DYNC2H1: variants seen among roughly 807,000 people sequenced by gnomAD.
DYNC2H1 encodes dynein cytoplasmic 2 heavy chain 1, also known as cytoplasmic dynein 2 heavy chain 1.
A neutral mutation model predicts 570.0 loss-of-function variants in DYNC2H1; 410 were observed. The observed-to-expected ratio is 0.72, with a 90% CI of 0.66 to 0.78. The LOEUF (loss-of-function observed/expected upper bound fraction) is 0.78. Ranked by LOEUF, DYNC2H1 falls within the 30% of genes least tolerant of loss-of-function variation. The pLI is 0.00. For missense variants in DYNC2H1, 4,865 were observed against 5,046.4 expected (o/e 0.96, Z 1.09); for synonymous variants, 1,688 against 1,677.6 (o/e 1.01, Z -0.15).
chr11:103,130,714 T>G (rs550637241), intron 13 of DYNC2H1, among the ~76,000 whole-genome samples: 42 of 152,314 alleles, frequency 2.8e-4, no homozygotes, highest in African/African-American at 9.9e-4. Context: ...CCCTCTAAAG[T>G]ATAGATCATT....
At chr11:103,196,502 T>C (rs1241063915) in intron 47 of DYNC2H1, among the ~76,000 whole-genome samples, 1 of 152,132 alleles carries the variant, frequency 6.6e-6, no homozygotes. Flanking sequence ...CAATTGGAAG[T>C]ACAGGACTAG....
chr11:103,200,981 C>T (rs983648428), intron 50 of DYNC2H1, among the ~76,000 whole-genome samples: 1 of 152,016 alleles, frequency 6.6e-6, no homozygotes, highest in African/African-American at 2.4e-5. Flanking sequence ...CATGCGCCAC[C>T]ATGCCTGGCT....
chr11:103,455,139 C>A, intron 85 of DYNC2H1, 47 bp from the exon 86 acceptor site: 1 of 1,417,082 alleles, frequency 7.1e-7, no homozygotes, highest in Non-Finnish European at 9.9e-7. Context: ...CTTTAATTGA[C>A]TTATAAGTGT....
At chr11:103,220,560 C>G in intron 56 of DYNC2H1, 63 bp from the exon 57 acceptor site, 1 of 1,449,190 alleles carries the variant, frequency 6.9e-7, no homozygotes, top group South Asian at 1.5e-5. Context: ...CATAATTTTT[C>G]AAGAGTTAAT....
rs941737305 is a variant in DYNC2H1, at chr11:103,189,536, C to T, written c.7293-136C>T. 3 of 784,362 alleles carry T rather than the reference C, an allele frequency of 3.8e-6. No individual in the cohort carries two copies. Among genetic ancestry groups the T allele is most frequent in the Non-Finnish European group, 6.0e-6 (3 of 502,952 alleles). The allele number at this position is 784,362 out of a possible 1,614,324, so 48.6% of individuals were successfully genotyped here. A position where few individuals can be genotyped will look rare whatever the true frequency, so the allele number is the denominator to read the frequency against. ...ATCGGGGCGATGAGCCTAGTCTTAG[C>T]CCCCTGGGTAAGCTTTGGAGATATG... On this transcript the variant is annotated intron_variant, in intron 44 of 88. Transcript: ENST00000375735. The surrounding 1 kb of genome is among the most constrained non-coding windows in gnomAD (Gnocchi z 4.3).
chr11:103,340,487 C>T (rs938150588), intron 82 of DYNC2H1, among the ~76,000 whole-genome samples: 4 of 152,096 alleles, frequency 2.6e-5, no homozygotes. Flanking sequence ...CAGCAGTAAA[C>T]TTTCTTTATT....
intron 75 of DYNC2H1, among the ~76,000 whole-genome samples, chr11:103,290,368 C>T (rs1866544147): frequency 6.6e-6 from 1 of 152,070 alleles, no homozygotes; most frequent in South Asian, 2.1e-4. Context: ...TGTGCTTTTG[C>T]TTACTTATGC....
chr11:103,174,714 A>G (rs2134982338), intron 36 of DYNC2H1, among the ~76,000 whole-genome samples: 1 of 152,266 alleles, frequency 6.6e-6, no homozygotes, highest in Middle Eastern at 3.4e-3. Context: ...GCAGAGGTGG[A>G]GTGTCTTTCT....
intron 83 of DYNC2H1, among the ~76,000 whole-genome samples, chr11:103,380,095 TA>T (rs895024276): frequency 6.6e-6 from 1 of 152,202 alleles, no homozygotes; most frequent in Non-Finnish European, 1.5e-5. Context: ...AATTACACTT[TA>T]AAAAAATAAG....
At chr11:103,248,996 G>A (rs1864729231) in intron 65 of DYNC2H1, among the ~76,000 whole-genome samples, 1 of 151,996 alleles carries the variant, frequency 6.6e-6, no homozygotes, top group African/African-American at 2.4e-5. Context: ...CTTGTACCTT[G>A]CCCAATCATG....
At chr11:103,399,974 C>A in intron 84 of DYNC2H1, 102 bp downstream of exon 84, 1 of 943,090 alleles carries the variant, frequency 1.1e-6, no homozygotes, top group Non-Finnish European at 1.6e-6. Context: ...AGCAGAAGAC[C>A]CGAGTCACAC....
chr11:103,337,554 G>A (rs7938774), intron 82 of DYNC2H1, among the ~76,000 whole-genome samples: 32,898 of 151,900 alleles, frequency 0.22, 3,674 homozygotes, highest in Admixed American at 0.31. Context: ...ATTATTTTTT[G>A]TCTTTTTGAT....
At chr11:103,167,284 C>T (rs1376321662) in intron 31 of DYNC2H1, among the ~76,000 whole-genome samples, 2 of 149,302 alleles carry the variant, frequency 1.3e-5, no homozygotes, top group East Asian at 2.0e-4. Context: ...TTTTGGAGGG[C>T]GGGGACAGGT....
intron 58 of DYNC2H1, among the ~76,000 whole-genome samples, chr11:103,222,382 C>T (rs1863621208): frequency 6.6e-6 from 1 of 152,048 alleles, no homozygotes; most frequent in African/African-American, 2.4e-5. Context: ...AGTTTTGTAT[C>T]TGCTGTTAAT....
intron 20 of DYNC2H1, 91 bp downstream of exon 20, chr11:103,148,708 T>C: frequency 4.9e-6 from 7 of 1,426,872 alleles, no homozygotes; most frequent in Non-Finnish European, 6.6e-6. Context: ...TTTACAAATA[T>C]ATAATCTCAA....
Position 103,125,137 on chromosome 11 carries a change from A to G in DYNC2H1, c.1699A>G (p.Asn567Asp). The change falls in exon 12 of 89, where the codon AAT becomes GAT. Residue 567 changes from asparagine (N) to aspartate (D), a missense_variant. Physicochemically the swap from Asn to Asp is conservative, Grantham distance 23 (BLOSUM62 1). This residue lies in a region of DYNC2H1 where 1,936 missense variants were observed against 1,962.1 expected (regional missense o/e 0.99). Transcript: ENST00000375735. ...TAGTCGAATTATGGAATTGGATTCT[A>G]ATGATGGATTACTAAAAGTGCATTA... ...ASSRIMELDS[N>D]DGLLKVHYSD... is the part of the protein sequence containing the mutation. The G allele has an allele frequency of 1.9e-6, 3 of 1,613,484 alleles. No individual in the cohort carries two copies. Among genetic ancestry groups the G allele is most frequent in the Non-Finnish European group, 2.5e-6 (3 of 1,179,688 alleles).
intron 80 of DYNC2H1, among the ~76,000 whole-genome samples, 189 bp downstream of exon 80, chr11:103,316,809 G>T (rs1329980448): frequency 6.6e-6 from 1 of 151,720 alleles, no homozygotes; most frequent in Non-Finnish European, 1.5e-5. Flanking sequence ...TTTTTACATG[G>T]ATTCTTCTTT....
chr11:103,215,697 C>T, intron 54 of DYNC2H1, 24 bp from the exon 55 acceptor site: 5 of 1,533,336 alleles, frequency 3.3e-6, no homozygotes, highest in South Asian at 2.6e-5. Flanking sequence ...TAAAATATTG[C>T]CGATCAATAT....
At chr11:103,295,359 C>A (rs1457343591) in intron 75 of DYNC2H1, among the ~76,000 whole-genome samples, 1 of 152,130 alleles carries the variant, frequency 6.6e-6, no homozygotes, top group East Asian at 1.9e-4. Context: ...GCTGACTTAT[C>A]CTAGAAGCAG....
Sources: allele counts gnomAD v4.1 joint callset (sites outside exome capture counted in the v4.1 genomes callset), GRCh38; gene constraint gnomAD v4.1.1; regional missense constraint gnomAD v4.1.1; non-coding constraint Gnocchi (gnomAD v3.1); transcripts MANE v1.5; gene names NCBI Gene and HGNC (gene_info 2026-07-23, HGNC 2026-07-21).